SDK1: variants seen among roughly 807,000 people sequenced by gnomAD.
The protein encoded by SDK1 is protein sidekick-1.
In SDK1, 157 loss-of-function variants were observed where a neutral mutation model predicts 245.5. The observed-to-expected ratio is 0.64, with a 90% confidence interval of 0.56 to 0.73. The LOEUF is 0.73. SDK1 is among the 30% of genes least tolerant of loss of function. The probability of loss-of-function intolerance (pLI) is 0.00; values close to 1 mark genes in which losing one functional copy is unlikely to be tolerated. For missense variants in SDK1, 3,583 were observed against 3,002.3 expected, an observed-to-expected ratio of 1.19 and a Z score of -4.52; for synonymous variants, 1,647 against 1,278.5, an observed-to-expected ratio of 1.29 and a Z score of -6.15.
At chr7:3,612,904 C>G (rs935751118) in intron 1 of SDK1, among the ~76,000 whole-genome samples, 5 of 152,248 alleles carry the variant, frequency 3.3e-5, no homozygotes, top group African/African-American at 4.8e-5. Flanking sequence ...GCTTCACAGA[C>G]TACCCCCCAC....
intron 1 of SDK1, among the ~76,000 whole-genome samples, chr7:3,530,613 T>C (rs865987335): frequency 1.3e-5 from 2 of 152,232 alleles, no homozygotes; most frequent in South Asian, 4.1e-4. Flanking sequence ...TTATTTGTGA[T>C]AACATTAAAA....
At chr7:4,087,727 A>T (rs1220523543) in intron 22 of SDK1, among the ~76,000 whole-genome samples, 1 of 152,250 alleles carries the variant, frequency 6.6e-6, no homozygotes, top group Non-Finnish European at 1.5e-5. Context: ...AATGTGAAGA[A>T]TACGGGCTTT....
chr7:4,251,425 T>G (rs78628496), intron 44 of SDK1, among the ~76,000 whole-genome samples: 2,783 of 152,338 alleles, frequency 0.018, 59 homozygotes, highest in South Asian at 0.11. Context: ...CAGAACACAC[T>G]TAGTCCTCCA....
intron 17 of SDK1, among the ~76,000 whole-genome samples, chr7:4,033,173 T>C (rs75785950): frequency 0.067 from 10,204 of 152,206 alleles, 723 homozygotes; most frequent in African/African-American, 0.17. Flanking sequence ...TATGGCAATT[T>C]AGTATATAAT....
At chr7:3,402,742 A>T (rs962765923) in intron 1 of SDK1, among the ~76,000 whole-genome samples, 1 of 152,286 alleles carries the variant, frequency 6.6e-6, no homozygotes, top group African/African-American at 2.4e-5. Context: ...ATGGAAACCA[A>T]TGTGTTTAAG....
chr7:4,135,133 C>A (rs1310071812), intron 28 of SDK1, among the ~76,000 whole-genome samples: 1 of 152,236 alleles, frequency 6.6e-6, no homozygotes, highest in Non-Finnish European at 1.5e-5. Context: ...CGTTTACTTT[C>A]CAGACTGTCT....
chr7:3,377,107 T>G (rs1488535634), intron 1 of SDK1, among the ~76,000 whole-genome samples: 1 of 152,224 alleles, frequency 6.6e-6, no homozygotes, highest in African/African-American at 2.4e-5. Flanking sequence ...ATAAATTTTT[T>G]CTTTTAGGAT....
chr7:3,319,280 G>T (rs978627569), intron 1 of SDK1, among the ~76,000 whole-genome samples: 1 of 152,138 alleles, frequency 6.6e-6, no homozygotes, highest in Non-Finnish European at 1.5e-5. Context: ...ACAGGAGAGG[G>T]ATGGCTCTCA....
At chr7:3,839,864 ATC>A (rs1325757979) in intron 5 of SDK1, among the ~76,000 whole-genome samples, 1 of 152,246 alleles carries the variant, frequency 6.6e-6, no homozygotes, top group Non-Finnish European at 1.5e-5. Flanking sequence ...TTATTGTAAT[ATC>A]TGTCTTTTTG....
chr7:3,946,919 C>T (rs1780599169), intron 5 of SDK1, among the ~76,000 whole-genome samples: 1 of 152,190 alleles, frequency 6.6e-6, no homozygotes, highest in Non-Finnish European at 1.5e-5. Context: ...ACACCAGAGG[C>T]GTGCTTTTCT....
At chr7:4,233,863 T>C (rs997814864) in intron 41 of SDK1, among the ~76,000 whole-genome samples, 4 of 152,156 alleles carry the variant, frequency 2.6e-5, no homozygotes, top group Non-Finnish European at 5.9e-5. Context: ...TTATGGGCTT[T>C]GTGTCCACGC....
chr7:4,094,872 G>A (rs539459882), intron 22 of SDK1, among the ~76,000 whole-genome samples: 13 of 152,304 alleles, frequency 8.5e-5, no homozygotes, highest in South Asian at 4.1e-4. Flanking sequence ...ATCAGGACAC[G>A]GAGGTGACAC....
chr7:4,172,559 G>A (rs748300856), intron 32 of SDK1, among the ~76,000 whole-genome samples: 2 of 152,204 alleles, frequency 1.3e-5, no homozygotes, highest in Non-Finnish European at 2.9e-5. Flanking sequence ...GTGAGGACCA[G>A]AGAGAGTTTG....
At chr7:3,905,301 A>G (rs1778862450) in intron 5 of SDK1, among the ~76,000 whole-genome samples, 2 of 152,124 alleles carry the variant, frequency 1.3e-5, no homozygotes. Flanking sequence ...GCCGCAATGA[A>G]TATTTGTGCA....
intron 43 of SDK1, among the ~76,000 whole-genome samples, chr7:4,244,215 G>A (rs1362013384): frequency 2.0e-5 from 3 of 152,090 alleles, no homozygotes; most frequent in African/African-American, 7.2e-5. Context: ...ATCACCCAGT[G>A]TTACTTCTCC....
chr7:3,394,852 T>C (rs1312519510), intron 1 of SDK1, among the ~76,000 whole-genome samples: 3 of 152,154 alleles, frequency 2.0e-5, no homozygotes, highest in African/African-American at 7.2e-5. Context: ...TCTTGTATTA[T>C]ATCCTGTGAA....
intron 5 of SDK1, among the ~76,000 whole-genome samples, chr7:3,866,741 ACTGTTCC>A (rs1190536606): frequency 6.6e-6 from 1 of 152,162 alleles, no homozygotes; most frequent in Non-Finnish European, 1.5e-5. Flanking sequence ...GGGGAAGTGT[ACTGTTCC>A]CAGGGCACAG....
intron 1 of SDK1, among the ~76,000 whole-genome samples, chr7:3,564,466 G>T (rs1352377170): frequency 6.6e-6 from 1 of 151,928 alleles, no homozygotes; most frequent in Non-Finnish European, 1.5e-5. Context: ...TCCATCTTGG[G>T]TGACAGAGGG....
intron 4 of SDK1, among the ~76,000 whole-genome samples, chr7:3,680,246 A>C (rs1784058760): frequency 6.6e-6 from 1 of 152,322 alleles, no homozygotes; most frequent in East Asian, 1.9e-4. Context: ...AAAATGACTC[A>C]ATTACGGAGA....
Sources: gnomAD v4.1 joint callset for allele counts (sites outside exome capture counted in the v4.1 genomes callset) on GRCh38, gnomAD v4.1.1 for gene constraint, MANE v1.5 for transcripts, NCBI Gene and HGNC (gene_info 2026-07-23, HGNC 2026-07-21) for gene names.